Variants in PHF21A observed in about 807,000 individuals in gnomAD.
PHF21A encodes the protein PHD finger protein 21A, also known as BHC80a.
A neutral mutation model predicts 82.5 loss-of-function variants in PHF21A; 11 were observed. The ratio of observed to expected loss-of-function variants is 0.13; its 90% CI spans 0.08 to 0.22. PHF21A has a LOEUF of 0.22. Ranked by LOEUF, PHF21A falls within the 10% of genes least tolerant of loss-of-function variation. PHF21A has a pLI of 1.00. For missense variants in PHF21A, 579 were observed against 837.8 expected (o/e 0.69, Z 3.81); for synonymous variants, 297 against 302.8 (o/e 0.98, Z 0.20).
chr11:45,930,358 T>C lies in PHF21A; in HGVS notation c.*3610A>G, dbSNP rs968463033. ...GCAGCAGCAGGGACAGAGAGGCAGG[T>C]GTTGCAGGGAAACCAGGCACACGAT... On this transcript the variant is annotated 3_prime_UTR_variant, in exon 19 of 19. Transcript: ENST00000676320. The C allele has an allele frequency of 6.6e-6, 1 of 152,306 alleles. No homozygotes were observed. 9.4% of individuals were successfully genotyped at this position (152,306 alleles called of 1,614,324 possible).
intron 6 of PHF21A, among the ~76,000 whole-genome samples, chr11:46,016,194 A>G (rs1352870401): frequency 6.6e-6 from 1 of 152,194 alleles, no homozygotes; most frequent in African/African-American, 2.4e-5. Context: ...ACCATCATAT[A>G]TGTGGTCTGT....
chr11:45,950,338 G>A, intron 11 of PHF21A, 81 bp from the exon 12 acceptor site: 1 of 1,212,056 alleles, frequency 8.3e-7, no homozygotes, highest in South Asian at 1.3e-5. Flanking sequence ...TAGGACATTA[G>A]GGAAAGCCAG....
chr11:46,082,612 AAG>A (rs768910741), intron 4 of PHF21A, among the ~76,000 whole-genome samples: 11 of 152,228 alleles, frequency 7.2e-5, no homozygotes, highest in Non-Finnish European at 1.5e-4. Context: ...TATGAATAGT[AAG>A]AGAGTGTTTA....
intron 1 of PHF21A, among the ~76,000 whole-genome samples, chr11:46,094,617 C>T (rs775570341): frequency 2.0e-5 from 3 of 152,178 alleles, no homozygotes; most frequent in Non-Finnish European, 4.4e-5. Context: ...CCTGGCCGTG[C>T]ACAGTGGCTC....
At chr11:45,938,033 A>G (rs2089492703) in intron 16 of PHF21A, 124 bp downstream of exon 16, 1 of 774,422 alleles carries the variant, frequency 1.3e-6, no homozygotes, top group Admixed American at 2.9e-5. Flanking sequence ...TAAACAGGGA[A>G]GATGCAGCCC....
rs1159915068 is a variant in PHF21A at position 45,949,441 on chromosome 11, T to C, written c.1188A>G (p.Thr396=). The C allele has an allele frequency of 6.2e-7, 1 of 1,614,252 alleles. No homozygotes were observed. The highest frequency in any genetic ancestry group is 8.5e-7 in the Non-Finnish European group (1 of 1,180,030). The part of the protein sequence containing the change: ...SKRQERKRRT[T]ANPVYSGAVF... ...CTGCTCCACTGTAGACCGGATTTGC[T>C]GTTGTTCTTCTTTTTCGCTCTTGCC... The change falls in exon 13 of 19, where the codon ACA becomes ACG. Residue 396 remains threonine, a synonymous_variant. Coordinates refer to ENST00000676320, the MANE Select transcript of PHF21A (RefSeq NM_001352027.3).
At chr11:45,986,363 T>C (rs1326091146) in intron 6 of PHF21A, among the ~76,000 whole-genome samples, 1 of 152,180 alleles carries the variant, frequency 6.6e-6, no homozygotes, top group Non-Finnish European at 1.5e-5. Context: ...TTTGCCTAAA[T>C]TTAGAGACCC....
intron 1 of PHF21A, among the ~76,000 whole-genome samples, chr11:46,110,571 C>CA (rs2097200510): frequency 6.6e-6 from 1 of 151,324 alleles, no homozygotes; most frequent in South Asian, 2.1e-4. Flanking sequence ...CTATATTGGC[C>CA]ATTAACACCA....
chr11:45,949,323 G>A (rs183018182), intron 13 of PHF21A, 79 bp downstream of exon 13: 28 of 1,179,660 alleles, frequency 2.4e-5, no homozygotes, highest in Middle Eastern at 1.9e-4. Context: ...TCTTCAGCAG[G>A]TTTTCAGAGG....
intron 6 of PHF21A, among the ~76,000 whole-genome samples, chr11:46,038,673 T>C (rs1347455726): frequency 2.0e-5 from 3 of 152,164 alleles, no homozygotes; most frequent in African/African-American, 7.2e-5. Flanking sequence ...ATGAGGACTC[T>C]CTGCAAAGTC....
intron 10 of PHF21A, among the ~76,000 whole-genome samples, chr11:45,958,447 T>TACACACACAC (rs1201890167): frequency 5.6e-4 from 12 of 21,488 alleles, no homozygotes; most frequent in East Asian, 5.8e-3. Flanking sequence ...TATATATATA[T>TACACACACAC]ATACACACAC....
At chr11:45,995,027 C>T (rs141164476) in intron 6 of PHF21A, among the ~76,000 whole-genome samples, 4 of 152,296 alleles carry the variant, frequency 2.6e-5, no homozygotes, top group Middle Eastern at 3.4e-3. Flanking sequence ...GGGAGAAAGA[C>T]CTAATTGTCA....
chr11:46,076,837 A>C lies in PHF21A; in HGVS notation c.88-18T>G. 1 of 1,592,482 alleles carries C rather than the reference A, an allele frequency of 6.3e-7. No homozygotes were observed. Among genetic ancestry groups the C allele is most frequent in the Non-Finnish European group, 8.6e-7 (1 of 1,160,364 alleles). ...TCAGCATTCTGATTGGAAAGAAAAA[A>C]TATCTGTGAGAAAGATATTTCATTT... On this transcript the variant is annotated intron_variant, in intron 5 of 18. Transcript: ENST00000676320.
intron 1 of PHF21A, among the ~76,000 whole-genome samples, chr11:46,093,019 G>A (rs1593121097): frequency 6.6e-6 from 1 of 152,092 alleles, no homozygotes; most frequent in African/African-American, 2.4e-5. Flanking sequence ...ACCTCCCAAA[G>A]TGCTGGGATT....
At chr11:45,967,321 T>G (rs1235038333) in intron 9 of PHF21A, among the ~76,000 whole-genome samples, 1 of 150,610 alleles carries the variant, frequency 6.6e-6, no homozygotes, top group East Asian at 2.0e-4. Context: ...TGAGCTGAGA[T>G]AGTGCCACTG....
At chr11:46,080,943 C>A (rs1455262657) in intron 4 of PHF21A, among the ~76,000 whole-genome samples, 1 of 152,104 alleles carries the variant, frequency 6.6e-6, no homozygotes, top group Non-Finnish European at 1.5e-5. Flanking sequence ...AGATTACAGG[C>A]GTAAGCCACC....
chr11:45,929,722 C>G lies in PHF21A; in HGVS notation c.*4246G>C, dbSNP rs1233030857. The G allele has an allele frequency of 1.3e-5, 2 of 152,246 alleles. No individual in the cohort carries two copies. The highest frequency in any genetic ancestry group is 4.8e-5 in the African/African-American group (2 of 41,448). The allele number at this position is 152,246 out of a possible 1,614,324, so 9.4% of individuals were successfully genotyped here. On this transcript the variant is annotated 3_prime_UTR_variant, in exon 19 of 19. Transcript: ENST00000676320. ...GGGCGCCAAGTGGAACTGGAGAGCC[C>G]TGCTTCCGTTTAGAGGAGGTATTTT...
intron 3 of PHF21A, among the ~76,000 whole-genome samples, chr11:46,090,030 T>C (rs1593076854): frequency 6.6e-6 from 1 of 151,776 alleles, no homozygotes; most frequent in East Asian, 1.9e-4. Flanking sequence ...TGTCTGAATA[T>C]ACACATTCTT....
At chr11:45,983,896 C>T (rs1337087810) in intron 6 of PHF21A, among the ~76,000 whole-genome samples, 1 of 152,118 alleles carries the variant, frequency 6.6e-6, no homozygotes, top group Non-Finnish European at 1.5e-5. Flanking sequence ...AAAGGATATC[C>T]TCTCATCTCC....
Sources: gnomAD v4.1 joint callset for allele counts (sites outside exome capture counted in the v4.1 genomes callset) on GRCh38, gnomAD v4.1.1 for gene constraint, MANE v1.5 for transcripts, NCBI Gene and HGNC (gene_info 2026-07-23, HGNC 2026-07-21) for gene names.